The following MICAL3 variants were observed in gnomAD, a reference collection of about 807,000 sequenced individuals.
MICAL3 encodes [F-actin]-monooxygenase MICAL3.
A neutral mutation model predicts 207.4 loss-of-function variants in MICAL3; 62 were observed. The observed-to-expected ratio is 0.30, with a 90% CI of 0.24 to 0.37. MICAL3 has a LOEUF of 0.37. Ranked by LOEUF, MICAL3 falls within the 10% of genes least tolerant of loss-of-function variation. MICAL3 has a pLI of 1.00. For synonymous variants in MICAL3, 1,077 were observed against 1,069.3 expected, an observed-to-expected ratio of 1.01 and a Z score of -0.14; for missense variants, 2,368 against 2,635.6, an observed-to-expected ratio of 0.90 and a Z score of 2.22.
chr22:17,916,297 C>T (rs1466896874), intron 1 of MICAL3, among the ~76,000 whole-genome samples: 1 of 151,998 alleles, frequency 6.6e-6, no homozygotes, highest in Admixed American at 6.6e-5. Context: ...TGATCCTGTC[C>T]CCGTTCTTAC....
At chr22:17,946,813 C>A (rs983530646) in intron 1 of MICAL3, among the ~76,000 whole-genome samples, 4 of 152,302 alleles carry the variant, frequency 2.6e-5, no homozygotes, top group East Asian at 1.9e-4. Context: ...GAGTGGTGGG[C>A]AAGTTCCTAC....
intron 20 of MICAL3, among the ~76,000 whole-genome samples, chr22:17,833,357 G>A (rs1321611046): frequency 6.6e-6 from 1 of 152,204 alleles, no homozygotes; most frequent in Admixed American, 6.5e-5. Context: ...TAAAGCCATG[G>A]CCCGACCTCT....
At chr22:17,862,360 T>C in intron 19 of MICAL3, 1 of 634,672 alleles carries the variant, frequency 1.6e-6, no homozygotes, top group Non-Finnish European at 2.0e-6. Flanking sequence ...GTTCACGCCA[T>C]TCTCCTGCCT....
At chr22:17,794,334 G>C (rs551101803) in intron 29 of MICAL3, among the ~76,000 whole-genome samples, 38 of 152,370 alleles carry the variant, frequency 2.5e-4, no homozygotes, top group Admixed American at 5.2e-4. Context: ...GCTTGCAGGT[G>C]ACAACCTGGG....
rs5747446 is a variant in MICAL3 at position 18,016,750 on chromosome 22, C to T, written c.-75+7531G>A. Among the ~76,000 whole-genome samples, 105 of 152,170 alleles carry T rather than the reference C, an allele frequency of 6.9e-4. 1 individual carries two copies. The highest frequency in any genetic ancestry group is 3.1e-3 in the East Asian group (16 of 5,168). On this transcript the variant is annotated intron_variant, in intron 1 of 31. Transcript: ENST00000441493. ...GGTCAGGAGATCAAGACCATCCTGG[C>T]TAACACAGTGAAACCCCGTCTCTAC...
Position 17,817,370 on chromosome 22 carries a change from G to C in MICAL3, c.5291C>G (p.Pro1764Arg), listed in dbSNP as rs748082873. ...KADDKSCPST[P>R]SSGATVDSGK... ...AGAGTCCACCGTGGCCCCGCTGGAG[G>C]GGGTGCTGGGGCAGGACTTGTCGTC... Residue 1764 changes from proline to arginine, a missense_variant, in exon 26 of 32, where the codon CCC becomes CGC. Pro to Arg is a moderately radical substitution (Grantham distance 103, BLOSUM62 -2). Around this residue, in one of 4 missense-constraint regions of MICAL3, gnomAD observed 1,770 missense variants for 1,863.2 expected, o/e 0.95. Transcript: ENST00000441493. 6 of 1,612,250 alleles carry C rather than the reference G, an allele frequency of 3.7e-6. No homozygotes were observed. Among genetic ancestry groups the C allele is most frequent in the East Asian group, 4.5e-5 (2 of 44,832 alleles).
intron 1 of MICAL3, among the ~76,000 whole-genome samples, chr22:17,985,519 C>T (rs1920969845): frequency 1.3e-5 from 2 of 152,190 alleles, no homozygotes; most frequent in South Asian, 4.1e-4. Context: ...GTCACTGGTC[C>T]TCCTACACTA....
At chr22:17,882,048 C>T (rs1929485543) in intron 16 of MICAL3, among the ~76,000 whole-genome samples, 1 of 152,186 alleles carries the variant, frequency 6.6e-6, no homozygotes, top group Non-Finnish European at 1.5e-5. Context: ...GGGCAGCATG[C>T]AGGGAGCCGG....
intron 13 of MICAL3, 95 bp from the exon 14 acceptor site, chr22:17,887,530 C>A: frequency 2.7e-6 from 2 of 735,308 alleles, no homozygotes; most frequent in South Asian, 1.8e-5. Context: ...GTTCGCAGAG[C>A]CTCAGAAGGC....
At chr22:17,893,462 C>A (rs938637134) in intron 11 of MICAL3, among the ~76,000 whole-genome samples, 4 of 152,092 alleles carry the variant, frequency 2.6e-5, no homozygotes, top group Non-Finnish European at 4.4e-5. Flanking sequence ...TTAGCTCTCA[C>A]ACTCTCTCCC....
At chr22:17,810,941 C>A in intron 27 of MICAL3, 128 bp from the exon 28 acceptor site, 1 of 700,248 alleles carries the variant, frequency 1.4e-6, no homozygotes, top group South Asian at 1.6e-5. Context: ...GCAGATAGGA[C>A]AAGCTGTCCT....
At chr22:17,910,119 G>C (rs1932017095) in intron 1 of MICAL3, among the ~76,000 whole-genome samples, 1 of 152,142 alleles carries the variant, frequency 6.6e-6, no homozygotes, top group Non-Finnish European at 1.5e-5. Context: ...CTCCTTGCCA[G>C]GATTCAGAGC....
chr22:17,976,803 ACTT>A (rs1255414452), intron 1 of MICAL3, among the ~76,000 whole-genome samples: 36 of 139,734 alleles, frequency 2.6e-4, no homozygotes, highest in East Asian at 1.6e-3. Flanking sequence ...AGTTCTAGAG[ACTT>A]CTTCTTTTTT....
chr22:17,832,534 G>C (rs958142262), intron 20 of MICAL3, among the ~76,000 whole-genome samples: 1 of 152,220 alleles, frequency 6.6e-6, no homozygotes, highest in Admixed American at 6.5e-5. Flanking sequence ...GGTGCTTCAA[G>C]CAGCAAACAC....
chr22:17,963,758 G>T (rs533639644), intron 1 of MICAL3, among the ~76,000 whole-genome samples: 42 of 152,304 alleles, frequency 2.8e-4, no homozygotes, highest in African/African-American at 1.0e-3. Flanking sequence ...GGTCGCTTCT[G>T]TGTCTCCTCC....
At chr22:17,959,428 C>A (rs1406938638) in intron 1 of MICAL3, among the ~76,000 whole-genome samples, 1 of 152,058 alleles carries the variant, frequency 6.6e-6, no homozygotes, top group Non-Finnish European at 1.5e-5. Context: ...GATTCTCCTG[C>A]CTCAGCCTCC....
intron 16 of MICAL3, among the ~76,000 whole-genome samples, chr22:17,885,625 AT>A (rs3214736): frequency 0.23 from 34,797 of 151,908 alleles, 5,077 homozygotes; most frequent in African/African-American, 0.41. Context: ...ATGAATACAG[AT>A]TTTTTTTAGA....
chr22:17,933,546 A>G (rs567823026), intron 1 of MICAL3, among the ~76,000 whole-genome samples: 2 of 152,340 alleles, frequency 1.3e-5, no homozygotes, highest in Non-Finnish European at 2.9e-5. Flanking sequence ...ACACCCTAAC[A>G]TCACAATTAA....
chr22:17,873,998 C>T (rs1230270654), intron 16 of MICAL3, among the ~76,000 whole-genome samples: 1 of 152,204 alleles, frequency 6.6e-6, no homozygotes. Context: ...CAACAGCCCC[C>T]TTAGGACATG....
Sources: gnomAD v4.1 joint callset for allele counts (sites outside exome capture counted in the v4.1 genomes callset) on GRCh38, gnomAD v4.1.1 for gene constraint, gnomAD v4.1.1 regional missense constraint, MANE v1.5 for transcripts, NCBI Gene and HGNC (gene_info 2026-07-23, HGNC 2026-07-21) for gene names.